The following KCNQ3 variants were observed in gnomAD, a reference collection of about 807,000 sequenced individuals.
KCNQ3 encodes potassium voltage-gated channel subfamily Q member 3.
A neutral mutation model predicts 92.5 loss-of-function variants in KCNQ3; 30 were observed. That is an observed-to-expected ratio of 0.32 (90% confidence interval 0.24 to 0.44). The LOEUF (loss-of-function observed/expected upper bound fraction) is 0.44, where lower values mean the gene tolerates loss of function less well. KCNQ3 is among the 20% of genes least tolerant of loss of function. The pLI is 1.00. For missense variants in KCNQ3, 913 were observed against 1,140.3 expected (o/e 0.80, Z 2.87); for synonymous variants, 450 against 468.8 (o/e 0.96, Z 0.52).
intron 1 of KCNQ3, among the ~76,000 whole-genome samples, chr8:132,445,608 A>C (rs1019722176): frequency 7.2e-5 from 11 of 152,126 alleles, no homozygotes; most frequent in Non-Finnish European, 1.6e-4. Context: ...AATCCTCCAA[A>C]TCAAATTAAT....
At chr8:132,403,357 C>T (rs555569178) in intron 1 of KCNQ3, among the ~76,000 whole-genome samples, 34 of 152,266 alleles carry the variant, frequency 2.2e-4, no homozygotes, top group African/African-American at 8.2e-4. Context: ...GATGGAGACA[C>T]TCCCTCAGCA....
rs998224038 is a variant in KCNQ3, at chr8:132,124,468, G to T, written c.*4794C>A. On this transcript the variant is annotated 3_prime_UTR_variant, in exon 15 of 15. Coordinates refer to ENST00000388996, the MANE Select transcript of KCNQ3 (RefSeq NM_004519.4). ...CACGGCAGAAGAGTCAAATGCTTTTGAATGTGCTGAAACTCAAATTTTCTT... is the reference window on the plus strand; with the variant it reads ...CACGGCAGAAGAGTCAAATGCTTTTTAATGTGCTGAAACTCAAATTTTCTT... 2 of 152,150 alleles carry T rather than the reference G, an allele frequency of 1.3e-5. No individual in the cohort carries two copies. The highest frequency in any genetic ancestry group is 4.8e-5 in the African/African-American group (2 of 41,436). 9.4% of individuals were successfully genotyped at this position (152,150 alleles called of 1,614,324 possible).
rs1278585248 is a variant in KCNQ3, at chr8:132,124,874, C to G, written c.*4388G>C. On this transcript the variant is annotated 3_prime_UTR_variant, in exon 15 of 15. Transcript: ENST00000388996. Reference sequence around the variant, plus strand: ...TGGGAAAGCACAGGGGTGGGAGAATCCTGGGGTGTGTTTGGCAGCACTGTC... The same window carrying G: ...TGGGAAAGCACAGGGGTGGGAGAATGCTGGGGTGTGTTTGGCAGCACTGTC... 2 of 152,102 alleles carry G rather than the reference C, an allele frequency of 1.3e-5. No homozygotes were observed. Among genetic ancestry groups the G allele is most frequent in the East Asian group, 3.9e-4 (2 of 5,184 alleles). The allele number at this position is 152,102 out of a possible 1,614,324, so 9.4% of individuals were successfully genotyped here. A position where few individuals can be genotyped will look rare whatever the true frequency, so the allele number is the denominator to read the frequency against.
chr8:132,184,926 G>A (rs1383171978), intron 2 of KCNQ3, among the ~76,000 whole-genome samples: 1 of 152,218 alleles, frequency 6.6e-6, no homozygotes, highest in Non-Finnish European at 1.5e-5. Context: ...TGGAGAAGAA[G>A]GGATCTCAGG....
At chr8:132,434,215 A>C (rs1474403723) in intron 1 of KCNQ3, among the ~76,000 whole-genome samples, 1 of 104,634 alleles carries the variant, frequency 9.6e-6, no homozygotes, top group Non-Finnish European at 2.3e-5. Flanking sequence ...CTCAAAAAAA[A>C]AAAAAAAAAA....
intron 9 of KCNQ3, 69 bp downstream of exon 9, chr8:132,163,399 C>G (rs778152333): frequency 2.2e-6 from 3 of 1,352,976 alleles, no homozygotes. Context: ...GGGCCCTACA[C>G]CATATGGAGC....
chr8:132,444,887 T>A (rs550498230), intron 1 of KCNQ3, among the ~76,000 whole-genome samples: 1 of 152,282 alleles, frequency 6.6e-6, no homozygotes, highest in South Asian at 2.1e-4. Flanking sequence ...ATTATGAGGA[T>A]TCGACAAAGC....
chr8:132,198,707 T>C (rs1188101228), intron 1 of KCNQ3, among the ~76,000 whole-genome samples: 1 of 152,050 alleles, frequency 6.6e-6, no homozygotes, highest in African/African-American at 2.4e-5. Context: ...CTTGGGAGGC[T>C]GAGGCAGGAG....
intron 1 of KCNQ3, among the ~76,000 whole-genome samples, chr8:132,237,277 T>C (rs1374218134): frequency 2.6e-5 from 4 of 152,182 alleles, no homozygotes; most frequent in Admixed American, 2.6e-4. Flanking sequence ...GCTATGATGA[T>C]GATGATAATC....
At position 132,196,140 on chromosome 8, in the gene KCNQ3, G is replaced by A. The variant is rs778784002; in HGVS notation, c.387-9959C>T. On this transcript the variant is annotated intron_variant, in intron 1 of 14. Transcript: ENST00000388996. Reference sequence around the variant, plus strand: ...AATGTGGCAGGCCTTTCAAAATTCCGTTCTTCTCCATCATATGCTTTCTCT... The same window carrying A: ...AATGTGGCAGGCCTTTCAAAATTCCATTCTTCTCCATCATATGCTTTCTCT... Among the ~76,000 whole-genome samples, 60 of 152,064 alleles carry A rather than the reference G, an allele frequency of 3.9e-4. 1 individual carries two copies. Among genetic ancestry groups the A allele is most frequent in the South Asian group, 1.0e-3 (5 of 4,820 alleles).
chr8:132,213,960 A>G (rs1813946601), intron 1 of KCNQ3, among the ~76,000 whole-genome samples: 1 of 152,218 alleles, frequency 6.6e-6, no homozygotes, highest in Non-Finnish European at 1.5e-5. Flanking sequence ...AATGAGGACA[A>G]GAAAAAACCA....
intron 1 of KCNQ3, among the ~76,000 whole-genome samples, chr8:132,452,491 G>A (rs1194333140): frequency 2.0e-5 from 3 of 152,110 alleles, no homozygotes; most frequent in Admixed American, 6.5e-5. Flanking sequence ...GGAACCTTCT[G>A]GCAAAGATGA....
At chr8:132,296,542 C>T (rs1286293677) in intron 1 of KCNQ3, among the ~76,000 whole-genome samples, 1 of 151,734 alleles carries the variant, frequency 6.6e-6, no homozygotes, top group Admixed American at 6.6e-5. Flanking sequence ...CTCCCCACTC[C>T]CCCCACCCCA....
intron 1 of KCNQ3, among the ~76,000 whole-genome samples, chr8:132,326,905 G>A (rs114318830): frequency 9.4e-4 from 143 of 152,222 alleles, no homozygotes; most frequent in African/African-American, 3.3e-3. Context: ...AGACTACCTC[G>A]ACCATCTCAC....
intron 1 of KCNQ3, chr8:132,186,593 G>A (rs1279804648): frequency 3.2e-6 from 1 of 316,976 alleles, no homozygotes; most frequent in South Asian, 2.8e-5. Context: ...ATATGAAAAT[G>A]TTTTCTTAGA....
At chr8:132,270,723 C>T (rs1816122528) in intron 1 of KCNQ3, among the ~76,000 whole-genome samples, 1 of 152,182 alleles carries the variant, frequency 6.6e-6, no homozygotes, top group Non-Finnish European at 1.5e-5. Context: ...AAATATTTGC[C>T]AGAATGGTTT....
chr8:132,459,694 C>T (rs2597348), intron 1 of KCNQ3, among the ~76,000 whole-genome samples: 97,600 of 151,444 alleles, frequency 0.64, 31,611 homozygotes, highest in Middle Eastern at 0.72. Flanking sequence ...GGCTTGAGGT[C>T]GTGTTTTACA....
intron 1 of KCNQ3, among the ~76,000 whole-genome samples, chr8:132,380,980 G>A (rs1256078783): frequency 1.3e-5 from 2 of 150,710 alleles, no homozygotes; most frequent in Admixed American, 6.6e-5. Flanking sequence ...AGGGCATGGT[G>A]CATCTGAATA....
chr8:132,323,847 T>A (rs1055897040), intron 1 of KCNQ3, among the ~76,000 whole-genome samples: 8 of 152,132 alleles, frequency 5.3e-5, no homozygotes, highest in African/African-American at 1.9e-4. Flanking sequence ...AAAAAACATA[T>A]CTGATTTTGT....
Sources: allele counts gnomAD v4.1 joint callset (sites outside exome capture counted in the v4.1 genomes callset), GRCh38; gene constraint gnomAD v4.1.1; transcripts MANE v1.5; gene names NCBI Gene and HGNC (gene_info 2026-07-23, HGNC 2026-07-21).